The following ZNF385B variants were observed in gnomAD, a reference collection of about 807,000 sequenced individuals.
ZNF385B encodes the protein zinc finger protein 533.
In ZNF385B, 23 loss-of-function variants were observed where a neutral mutation model predicts 39.2. That is an observed-to-expected ratio of 0.59 (90% CI 0.42 to 0.83). ZNF385B has a LOEUF of 0.83. Among genes scored for constraint, ZNF385B ranks in the 40% least tolerant of loss-of-function variants. ZNF385B has a pLI of 0.00. For missense variants in ZNF385B, 552 were observed against 598.9 expected, an observed-to-expected ratio of 0.92 and a Z score of 0.82; for synonymous variants, 205 against 222.6, an observed-to-expected ratio of 0.92 and a Z score of 0.70.
In ZNF385B at chr2:179,483,400, T is replaced by A. The variant is rs1465871548; in HGVS notation, c.587A>T (p.His196Leu). 1 of 1,614,046 alleles carries A rather than the reference T, an allele frequency of 6.2e-7. No homozygotes were observed. Among genetic ancestry groups the A allele is most frequent in the Admixed American group, 1.7e-5 (1 of 60,014 alleles). Residue 196 changes from histidine (H) to leucine (L), a missense_variant, in exon 6 of 10, where the codon CAT (histidine) becomes CTT (leucine). Physicochemically the swap from His to Leu is moderately conservative, Grantham distance 99 (BLOSUM62 -3). Coordinates refer to ENST00000410066, the MANE Select transcript of ZNF385B (RefSeq NM_152520.6). ...QAEAHYKGSKHAKKVKALDAT... is the reference protein window; with the variant it reads ...QAEAHYKGSKLAKKVKALDAT... The stretch of plus-strand genomic sequence containing the variant: ...GTCTAGTGCTTTGACCTTCTTGGCA[T>A]GTTTACTTCCTTTGTAGTGGGCCTC...
intron 6 of ZNF385B, among the ~76,000 whole-genome samples, chr2:179,453,937 C>G (rs1029886890): frequency 1.3e-5 from 2 of 152,144 alleles, no homozygotes; most frequent in African/African-American, 2.4e-5. Context: ...TCATTAAGTA[C>G]AAAAGCATTT....
intron 3 of ZNF385B, among the ~76,000 whole-genome samples, chr2:179,628,055 T>C (rs1690835897): frequency 6.6e-6 from 1 of 152,182 alleles, no homozygotes. Flanking sequence ...TCTCCCCAGC[T>C]GGATTATTTT....
rs1693703038 is a variant in ZNF385B at position 179,655,859 on chromosome 2, A to C, written c.299-110890T>G. 1.3e-5 allele frequency among the ~76,000 whole-genome samples: 2 copies of C among 152,172 alleles called. 1 individual carries two copies. The highest frequency in any genetic ancestry group is 3.8e-4 in the East Asian group (2 of 5,206). On this transcript the variant is annotated intron_variant, in intron 3 of 9. Transcript: ENST00000410066. Reference sequence around the variant, plus strand: ...TGGGAATTCCAAGTAATACTGAGTCATGGTTCTAGGGGAATAAAACAATTA... The same window carrying C: ...TGGGAATTCCAAGTAATACTGAGTCCTGGTTCTAGGGGAATAAAACAATTA...
At chr2:179,451,627 T>G (rs960309878) in intron 6 of ZNF385B, among the ~76,000 whole-genome samples, 1 of 152,108 alleles carries the variant, frequency 6.6e-6, no homozygotes, top group Non-Finnish European at 1.5e-5. Context: ...AAATGTTGAC[T>G]TTGGAAATGT....
intron 3 of ZNF385B, among the ~76,000 whole-genome samples, chr2:179,767,385 G>T (rs549028504): frequency 6.6e-6 from 1 of 152,180 alleles, no homozygotes; most frequent in African/African-American, 2.4e-5. Flanking sequence ...GCTGAGGCAG[G>T]GGGAGGGTAG....
At chr2:179,779,765 G>A (rs964063591) in intron 1 of ZNF385B, among the ~76,000 whole-genome samples, 6 of 152,106 alleles carry the variant, frequency 3.9e-5, no homozygotes, top group African/African-American at 1.4e-4. Context: ...TGACTCCATG[G>A]TTCTAACCCG....
chr2:179,788,842 T>G (rs1705158904), intron 1 of ZNF385B, among the ~76,000 whole-genome samples: 1 of 152,134 alleles, frequency 6.6e-6, no homozygotes, highest in East Asian at 1.9e-4. Context: ...CCTGTTCATT[T>G]TGTCATCACC....
intron 1 of ZNF385B, among the ~76,000 whole-genome samples, chr2:179,775,413 A>T (rs542314246): frequency 6.6e-6 from 1 of 152,368 alleles, no homozygotes; most frequent in East Asian, 1.9e-4. Flanking sequence ...AACTCTCTGC[A>T]TAACAGTCCC....
intron 3 of ZNF385B, among the ~76,000 whole-genome samples, chr2:179,559,642 G>A (rs191802968): frequency 2.0e-5 from 3 of 151,368 alleles, no homozygotes; most frequent in Non-Finnish European, 2.9e-5. Flanking sequence ...TGACTGTCGG[G>A]TTTTTTTTAA....
chr2:179,817,911 T>C (rs1198049261), intron 1 of ZNF385B, among the ~76,000 whole-genome samples: 1 of 152,142 alleles, frequency 6.6e-6, no homozygotes. Flanking sequence ...AGAACACTGT[T>C]GGCTACACAA....
At chr2:179,734,669 G>A (rs1701624057) in intron 3 of ZNF385B, among the ~76,000 whole-genome samples, 1 of 152,110 alleles carries the variant, frequency 6.6e-6, no homozygotes, top group South Asian at 2.1e-4. Flanking sequence ...CATATTTAAA[G>A]ACTCAAGACA....
intron 3 of ZNF385B, among the ~76,000 whole-genome samples, chr2:179,587,022 G>A (rs889985053): frequency 6.6e-6 from 1 of 152,148 alleles, no homozygotes. Flanking sequence ...CTGGGCAACA[G>A]AGTGAGACTC....
In ZNF385B at chr2:179,594,276, A is replaced by G. The variant is rs115157366; in HGVS notation, c.299-49307T>C. Among the ~76,000 whole-genome samples the G allele has an allele frequency of 3.0e-3, 457 of 152,350 alleles. 1 individual carries two copies. Among genetic ancestry groups the G allele is most frequent in the African/African-American group, 9.5e-3 (394 of 41,572 alleles). Reference sequence around the variant, plus strand: ...TTGGCAGTCACACAAATACATCTAAATAAACATTAGAATAAGAAGTGGTTA... The same window carrying G: ...TTGGCAGTCACACAAATACATCTAAGTAAACATTAGAATAAGAAGTGGTTA... On this transcript the variant is annotated intron_variant, in intron 3 of 9. Coordinates refer to ENST00000410066, the MANE Select transcript of ZNF385B (RefSeq NM_152520.6).
intron 3 of ZNF385B, among the ~76,000 whole-genome samples, chr2:179,639,226 C>CAAAAAAAAAAAAAAA (rs59905278): frequency 7.5e-5 from 7 of 93,024 alleles, no homozygotes; most frequent in African/African-American, 2.9e-4. Context: ...GATCCTGCCT[C>CAAAAAAAAAAAAAAA]AAAAAAAAAA....
At chr2:179,670,462 G>A (rs1695818360) in intron 3 of ZNF385B, among the ~76,000 whole-genome samples, 1 of 134,056 alleles carries the variant, frequency 7.5e-6, no homozygotes, top group South Asian at 2.2e-4. Context: ...TCAAGAGCAT[G>A]GATAGCAGTA....
intron 3 of ZNF385B, among the ~76,000 whole-genome samples, chr2:179,705,064 T>A (rs1699487377): frequency 6.6e-6 from 1 of 151,452 alleles, no homozygotes; most frequent in African/African-American, 2.5e-5. Flanking sequence ...TTCATAAATC[T>A]ATTTTTTTTT....
At chr2:179,550,732 G>A (rs1169294022) in intron 3 of ZNF385B, among the ~76,000 whole-genome samples, 1 of 149,328 alleles carries the variant, frequency 6.7e-6, no homozygotes, top group Non-Finnish European at 1.5e-5. Context: ...TAGGGACAAA[G>A]TGCATTTTTT....
intron 6 of ZNF385B, among the ~76,000 whole-genome samples, chr2:179,475,464 C>T (rs1418142916): frequency 1.3e-5 from 2 of 151,762 alleles, no homozygotes; most frequent in African/African-American, 4.8e-5. Flanking sequence ...ATTGGCCAGG[C>T]TGGTCTTGAA....
At chr2:179,668,207 T>C (rs1308131124) in intron 3 of ZNF385B, among the ~76,000 whole-genome samples, 1 of 152,180 alleles carries the variant, frequency 6.6e-6, no homozygotes, top group African/African-American at 2.4e-5. Context: ...ATTATGAGGG[T>C]CACAGAAGAC....
Sources: allele counts gnomAD v4.1 joint callset (sites outside exome capture counted in the v4.1 genomes callset), GRCh38; gene constraint gnomAD v4.1.1; transcripts MANE v1.5; gene names NCBI Gene and HGNC (gene_info 2026-07-23, HGNC 2026-07-21).